TMEM138: variants seen among roughly 807,000 people sequenced by gnomAD.
The protein encoded by TMEM138 is transmembrane protein 138.
TMEM138 carries 9 observed loss-of-function variants against 18.1 expected under a neutral mutation model. That is an observed-to-expected ratio of 0.50 (90% confidence interval 0.30 to 0.87). The LOEUF is 0.87. Among genes scored for constraint, TMEM138 ranks in the 40% least tolerant of loss-of-function variants. TMEM138 has a pLI of 0.06. For missense variants in TMEM138, 189 were observed against 190.6 expected (o/e 0.99, Z 0.05); for synonymous variants, 79 against 74.8 (o/e 1.06, Z -0.29).
At chr11:61,374,217 A>G (rs2135175632), downstream of TMEM138, among the ~76,000 whole-genome samples, 1 of 132,810 alleles carries the variant, frequency 7.5e-6, no homozygotes. Flanking sequence ...GCATGATCTC[A>G]GCTCACTGGA....
chr11:61,370,419 G>A (rs765740039), downstream of TMEM138, among the ~76,000 whole-genome samples: 2 of 152,134 alleles, frequency 1.3e-5, no homozygotes, highest in Non-Finnish European at 2.9e-5. Context: ...ACAAAATGGC[G>A]ATTTTCTTTG....
downstream of TMEM138, among the ~76,000 whole-genome samples, chr11:61,376,199 T>C (rs1858432627): frequency 6.6e-6 from 1 of 151,898 alleles, no homozygotes; most frequent in Non-Finnish European, 1.5e-5. Context: ...AAATACAAAA[T>C]GTAGCCAGGT....
At chr11:61,372,501 A>T (rs1344631300), downstream of TMEM138, among the ~76,000 whole-genome samples, 2 of 148,834 alleles carry the variant, frequency 1.3e-5, no homozygotes, top group Admixed American at 6.6e-5. Context: ...AAAAAAAAAA[A>T]GCTGGGTGCG....
At chr11:61,366,311 T>G (rs1416574866) in intron 3 of TMEM138, 95 bp downstream of exon 3, 1 of 1,367,814 alleles carries the variant, frequency 7.3e-7, no homozygotes, top group African/African-American at 1.5e-5. Flanking sequence ...ACTCCTGAGC[T>G]CAAGCAATTC....
At chr11:61,370,948 C>T (rs1858326765), downstream of TMEM138, among the ~76,000 whole-genome samples, 1 of 152,174 alleles carries the variant, frequency 6.6e-6, no homozygotes. Flanking sequence ...CCAAACATCT[C>T]AGGACCCCCA....
At position 61,364,316 on chromosome 11, in the gene TMEM138, G is replaced by A. The variant is rs1858056795; in HGVS notation, c.-75G>A. The A allele has an allele frequency of 6.5e-7, 1 of 1,549,498 alleles. No individual in the cohort carries two copies. The highest frequency in any genetic ancestry group is 8.8e-7 in the Non-Finnish European group (1 of 1,132,770). On this transcript the variant is annotated 5_prime_UTR_variant, in exon 2 of 5. Coordinates refer to ENST00000278826, the MANE Select transcript of TMEM138 (RefSeq NM_016464.5). The stretch of plus-strand genomic sequence containing the variant: ...GGAACTAGAAGCCTCTCCCTCAGTG[G>A]TAGGGAGACAGCCAGGAGCGGTTTT...
At chr11:61,367,756 G>A (rs568783534) in intron 3 of TMEM138, 167 bp from the exon 4 acceptor site, 31 of 641,594 alleles carry the variant, frequency 4.8e-5, no homozygotes, top group South Asian at 1.1e-4. Context: ...CCTTTGCAGC[G>A]AAAAATGGAG....
chr11:61,375,317 C>CTTTTT (rs71043758), downstream of TMEM138, among the ~76,000 whole-genome samples: 31 of 65,274 alleles, frequency 4.7e-4, no homozygotes, highest in South Asian at 5.8e-4. Flanking sequence ...TGTGAGTATT[C>CTTTTT]TTTTTTTTTT....
downstream of TMEM138, among the ~76,000 whole-genome samples, chr11:61,374,143 C>CTTT (rs768260657): frequency 2.2e-4 from 28 of 125,632 alleles, no homozygotes; most frequent in African/African-American, 2.7e-4. Context: ...GCGCCCAGTC[C>CTTT]TTTTTTTTTT....
intron 3 of TMEM138, chr11:61,367,213 T>G (rs906504360): frequency 2.6e-5 from 4 of 152,188 alleles, no homozygotes; most frequent in Admixed American, 6.5e-5. Flanking sequence ...ATCCCTCCCT[T>G]TGGTTCTAAC....
intron 1 of TMEM138, chr11:61,363,424 T>G (rs2135149706): frequency 6.6e-6 from 1 of 152,296 alleles, no homozygotes; most frequent in Middle Eastern, 3.4e-3. Flanking sequence ...TGAAAAGAGC[T>G]TATAAATTGC....
downstream of TMEM138, among the ~76,000 whole-genome samples, chr11:61,374,143 CTT>C (rs768260657): frequency 3.2e-5 from 4 of 125,640 alleles, no homozygotes; most frequent in Admixed American, 8.2e-5. Context: ...GCGCCCAGTC[CTT>C]TTTTTTTTTT....
chr11:61,368,528 G>A (rs1413515371), intron 4 of TMEM138, 69 bp from the exon 5 acceptor site: 2 of 1,123,376 alleles, frequency 1.8e-6, no homozygotes, highest in Non-Finnish European at 2.7e-6. Flanking sequence ...GCCTGGCCAG[G>A]TTCTGTTCTT....
intron 3 of TMEM138, chr11:61,367,268 C>A (rs1858187288): frequency 6.6e-6 from 1 of 152,248 alleles, no homozygotes; most frequent in Non-Finnish European, 1.5e-5. Context: ...CAGATTTCTT[C>A]TGCTTCACAA....
downstream of TMEM138, among the ~76,000 whole-genome samples, chr11:61,373,611 T>G (rs1858393671): frequency 6.6e-6 from 1 of 152,036 alleles, no homozygotes; most frequent in Admixed American, 6.6e-5. Context: ...TGTTCCAAAA[T>G]CAAATTATAA....
downstream of TMEM138, among the ~76,000 whole-genome samples, chr11:61,375,734 TA>T (rs951989750): frequency 3.9e-5 from 6 of 152,360 alleles, no homozygotes; most frequent in Admixed American, 2.6e-4. Context: ...CCAAGGCTTT[TA>T]CTGGAATGGT....
chr11:61,367,139 C>G (rs1362485166), intron 3 of TMEM138: 2 of 152,152 alleles, frequency 1.3e-5, no homozygotes, highest in African/African-American at 2.4e-5. Context: ...TGCTGCTTGC[C>G]CTTGAGTGCT....
At chr11:61,376,626 C>G (rs1858439119), downstream of TMEM138, among the ~76,000 whole-genome samples, 1 of 152,088 alleles carries the variant, frequency 6.6e-6, no homozygotes, top group Non-Finnish European at 1.5e-5. Flanking sequence ...AGAAAAATAA[C>G]AGCAACCTAT....
intron 1 of TMEM138, chr11:61,364,041 T>C (rs1455538345): frequency 1.1e-5 from 2 of 180,706 alleles, no homozygotes; most frequent in Non-Finnish European, 1.2e-5. Flanking sequence ...ATTCCTTTGG[T>C]TAGAGACAGC....
Sources: allele counts gnomAD v4.1 joint callset (sites outside exome capture counted in the v4.1 genomes callset), GRCh38; gene constraint gnomAD v4.1.1; transcripts MANE v1.5; gene names NCBI Gene and HGNC (gene_info 2026-07-23, HGNC 2026-07-21).